The following MGAT4C variants were observed in gnomAD, a reference collection of about 807,000 sequenced individuals.
MGAT4C encodes the protein MGAT4 family member C, also known as alpha-1,3-mannosyl-glycoprotein 4-beta-N-acetylglucosaminyltransferase C.
MGAT4C carries 19 observed loss-of-function variants against 40.1 expected under a neutral mutation model. That is an observed-to-expected ratio of 0.47 (90% CI 0.33 to 0.70). The LOEUF is 0.70. Among genes scored for constraint, MGAT4C ranks in the 30% least tolerant of loss-of-function variants. MGAT4C has a pLI of 0.02. For synonymous variants in MGAT4C, 181 were observed against 187.1 expected, an observed-to-expected ratio of 0.97 and a Z score of 0.27; for missense variants, 491 against 563.2, an observed-to-expected ratio of 0.87 and a Z score of 1.30.
At chr12:86,516,477 T>C (rs141663907) in intron 2 of MGAT4C, among the ~76,000 whole-genome samples, 1 of 152,038 alleles carries the variant, frequency 6.6e-6, no homozygotes, top group Non-Finnish European at 1.5e-5. Flanking sequence ...AAACTCAAAA[T>C]AGATAAGATT....
chr12:86,459,606 A>G (rs1332726511), intron 2 of MGAT4C, among the ~76,000 whole-genome samples: 1 of 151,842 alleles, frequency 6.6e-6, no homozygotes, highest in Non-Finnish European at 1.5e-5. Context: ...TTCAGATGAG[A>G]ATTATAAATT....
intron 2 of MGAT4C, among the ~76,000 whole-genome samples, chr12:86,478,559 T>C (rs1957881109): frequency 6.6e-6 from 1 of 152,096 alleles, no homozygotes; most frequent in African/African-American, 2.4e-5. Context: ...AACAAAAATA[T>C]TGGTAGTTCA....
chr12:86,437,847 T>C (rs1344428748), intron 2 of MGAT4C, among the ~76,000 whole-genome samples: 1 of 151,860 alleles, frequency 6.6e-6, no homozygotes. Context: ...GACAGTGAAA[T>C]GTTGTGCATG....
At chr12:86,286,997 A>G (rs1002861137) in intron 4 of MGAT4C, among the ~76,000 whole-genome samples, 2 of 152,106 alleles carry the variant, frequency 1.3e-5, no homozygotes, top group African/African-American at 4.8e-5. Flanking sequence ...ATTGGTGAAC[A>G]TTTAAGGGTG....
chr12:86,013,687 T>A (rs1221594423), intron 2 of MGAT4C: 1 of 978,776 alleles, frequency 1.0e-6, no homozygotes. Context: ...CTACCTGAAT[T>A]TTACCTACTG....
chr12:86,100,264 C>T (rs1874732328), intron 1 of MGAT4C, among the ~76,000 whole-genome samples: 1 of 151,428 alleles, frequency 6.6e-6, no homozygotes, highest in African/African-American at 2.4e-5. Flanking sequence ...TACTTATTCA[C>T]TCTTTCCTGT....
chr12:86,330,391 G>A (rs1954636485), intron 4 of MGAT4C, among the ~76,000 whole-genome samples: 1 of 152,144 alleles, frequency 6.6e-6, no homozygotes, highest in African/African-American at 2.4e-5. Context: ...CCTGTGTCAT[G>A]TAAAACTTTG....
chr12:86,605,091 G>A (rs1165700601), intron 2 of MGAT4C, among the ~76,000 whole-genome samples: 1 of 152,068 alleles, frequency 6.6e-6, no homozygotes, highest in Non-Finnish European at 1.5e-5. Context: ...TTCAGGGAAT[G>A]TTTTGAATCC....
intron 1 of MGAT4C, among the ~76,000 whole-genome samples, chr12:86,758,063 C>A (rs149689384): frequency 2.0e-5 from 3 of 152,224 alleles, no homozygotes; most frequent in Non-Finnish European, 4.4e-5. Context: ...TTATATTGAG[C>A]ACAATCCATG....
chr12:86,797,452 A>G (rs143619527), intron 1 of MGAT4C, among the ~76,000 whole-genome samples: 41 of 151,970 alleles, frequency 2.7e-4, no homozygotes, highest in Non-Finnish European at 4.4e-5. Flanking sequence ...ATATATAAAC[A>G]TATGAAAGTC....
chr12:86,348,109 T>A (rs1165684724), intron 3 of MGAT4C, among the ~76,000 whole-genome samples: 1 of 152,184 alleles, frequency 6.6e-6, no homozygotes, highest in African/African-American at 2.4e-5. Context: ...ATCAATAAAA[T>A]ATTCCTAACA....
intron 2 of MGAT4C, among the ~76,000 whole-genome samples, chr12:86,440,765 A>C (rs972214515): frequency 6.6e-6 from 1 of 152,116 alleles, no homozygotes; most frequent in Non-Finnish European, 1.5e-5. Context: ...TTGATAAATA[A>C]ATTTAGTAAA....
chr12:86,639,489 T>C (rs974032412), intron 2 of MGAT4C, among the ~76,000 whole-genome samples: 8 of 151,568 alleles, frequency 5.3e-5, no homozygotes, highest in African/African-American at 1.9e-4. Flanking sequence ...AAATGCAAAG[T>C]CAACCTATCA....
chr12:86,809,840 T>G (rs1952437377), intron 1 of MGAT4C, among the ~76,000 whole-genome samples: 1 of 152,066 alleles, frequency 6.6e-6, no homozygotes, highest in Admixed American at 6.6e-5. Context: ...TTTATAGATC[T>G]TTGGCAGAGC....
intron 4 of MGAT4C, among the ~76,000 whole-genome samples, chr12:86,296,942 A>G (rs1953696927): frequency 6.6e-6 from 1 of 152,246 alleles, no homozygotes; most frequent in Admixed American, 6.5e-5. Context: ...GACTGCCAGC[A>G]CGCTGTCACC....
chr12:86,200,160 G>GT (rs1279866658), intron 1 of MGAT4C, among the ~76,000 whole-genome samples: 17 of 61,786 alleles, frequency 2.8e-4, no homozygotes, highest in African/African-American at 8.4e-4. Context: ...TCTGGCTTTT[G>GT]TTTTTTTTTG....
intron 1 of MGAT4C, among the ~76,000 whole-genome samples, chr12:86,076,966 T>C (rs1703224362): frequency 6.6e-6 from 1 of 152,170 alleles, no homozygotes; most frequent in South Asian, 2.1e-4. Flanking sequence ...AGGAGAAAGA[T>C]GTAGGCTGGG....
At chr12:85,999,491 A>G (rs1161746875) in intron 2 of MGAT4C, among the ~76,000 whole-genome samples, 2 of 152,052 alleles carry the variant, frequency 1.3e-5, no homozygotes, top group African/African-American at 4.8e-5. Context: ...TCCCCTGTGT[A>G]TTGCAGCACT....
chr12:86,312,393 C>G (rs963112011), intron 4 of MGAT4C, among the ~76,000 whole-genome samples: 1 of 152,208 alleles, frequency 6.6e-6, no homozygotes, highest in Non-Finnish European at 1.5e-5. Flanking sequence ...GTTGTTAACA[C>G]AGCTGCTTGC....
Sources: gnomAD v4.1 joint callset for allele counts (sites outside exome capture counted in the v4.1 genomes callset) on GRCh38, gnomAD v4.1.1 for gene constraint, MANE v1.5 for transcripts, NCBI Gene and HGNC (gene_info 2026-07-23, HGNC 2026-07-21) for gene names.